Variants in SLC22A2 observed in about 807,000 individuals in gnomAD.
SLC22A2 encodes organic cation transporter 2.
Under a neutral mutation model 60.5 loss-of-function variants are expected in SLC22A2, and 46 were observed. The ratio of observed to expected loss-of-function variants is 0.76; its 90% CI spans 0.60 to 0.97. The LOEUF (loss-of-function observed/expected upper bound fraction) is 0.97, where lower values mean the gene tolerates loss of function less well. Among genes scored for constraint, SLC22A2 ranks in the 50% least tolerant of loss-of-function variants. The probability of loss-of-function intolerance (pLI) is 0.00; values close to 1 mark genes in which losing one functional copy is unlikely to be tolerated. For synonymous variants in SLC22A2, 303 were observed against 267.0 expected (o/e 1.13, Z -1.31); for missense variants, 701 against 706.6 (o/e 0.99, Z 0.09).
intron 4 of SLC22A2, among the ~76,000 whole-genome samples, 170 bp downstream of exon 4, chr6:160,249,046 T>C (rs1783140589): frequency 6.6e-6 from 1 of 152,044 alleles, no homozygotes; most frequent in African/African-American, 2.4e-5. Flanking sequence ...GACGGAGAGG[T>C]GAAGCTTGTG....
At chr6:160,229,795 C>T (rs1302744292) in intron 9 of SLC22A2, among the ~76,000 whole-genome samples, 1 of 151,844 alleles carries the variant, frequency 6.6e-6, no homozygotes, top group Non-Finnish European at 1.5e-5. Context: ...TCTCAGCTGA[C>T]CTAAAATCTA....
At chr6:160,224,498 C>G (rs1782692176) in intron 10 of SLC22A2, among the ~76,000 whole-genome samples, 1 of 151,990 alleles carries the variant, frequency 6.6e-6, no homozygotes, top group African/African-American at 2.4e-5. Flanking sequence ...TTAGAAAGAC[C>G]TTCTCCACGT....
At position 160,258,642 on chromosome 6, in the gene SLC22A2, C is replaced by T; in HGVS notation, c.116G>A (p.Gly39Asp). Residue 39 changes from glycine to aspartate, a missense_variant, in exon 1 of 11, where the codon GGC (glycine) becomes GAC (aspartate). By Grantham distance (94) the Gly-to-Asp change is moderately conservative. Transcript: ENST00000366953. ...LSATFAPIYV[G>D]IVFLGFTPDH... ...AGGGGTGAAGCCCAGGAAGACGATG[C>T]CCACGTAGATGGGCGCGAAGGTAGC... 2 of 1,613,796 alleles carry T rather than the reference C, an allele frequency of 1.2e-6. No individual in the cohort carries two copies. The highest frequency in any genetic ancestry group is 1.7e-6 in the Non-Finnish European group (2 of 1,179,902).
At chr6:160,252,137 C>A (rs976150587) in intron 2 of SLC22A2, among the ~76,000 whole-genome samples, 2 of 152,154 alleles carry the variant, frequency 1.3e-5, no homozygotes, top group African/African-American at 4.8e-5. Context: ...TATACAACCT[C>A]TTGGCCTCTA....
chr6:160,222,177 C>CAAATATACATT lies in SLC22A2; in HGVS notation c.1601+2527_1601+2528insAATGTATATTT, dbSNP rs1658688855. On this transcript the variant is annotated intron_variant, in intron 10 of 10. Transcript: ENST00000366953. Reference sequence around the variant, plus strand: ...AGATAAGGTATTAGGTATAAGTTCACAGGTTATATTTGTAACTAGGACAGG... The same window carrying CAAATATACATT: ...AGATAAGGTATTAGGTATAAGTTCACAAATATACATTAGGTTATATTTGTAACTAGGACAGG... Among the ~76,000 whole-genome samples, 3 of 152,302 alleles carry CAAATATACATT rather than the reference C, an allele frequency of 2.0e-5. No homozygotes were observed. In the South Asian group the frequency reaches 6.2e-4, roughly 32 times the overall value.
intron 8 of SLC22A2, 125 bp downstream of exon 8, chr6:160,242,169 C>G: frequency 1.4e-6 from 1 of 697,344 alleles, no homozygotes. Flanking sequence ...TGGACCTTTA[C>G]GTGTTCTCAC....
At position 160,245,755 on chromosome 6, in the gene SLC22A2, G is replaced by T. The variant is rs533346956; in HGVS notation, c.958-210C>A. On this transcript the variant is annotated intron_variant, in intron 5 of 10. Coordinates refer to ENST00000366953, the MANE Select transcript of SLC22A2 (RefSeq NM_003058.4). ...GCTCTGTCACCCAGGCTTGAGTGCA[G>T]TGGTGCAATCTCGGCTCACTGCAAC... 2.9e-5 allele frequency among the ~76,000 whole-genome samples: 4 copies of T among 137,800 alleles called. No individual in the cohort carries two copies. The East Asian group carries it at 8.6e-4, about 29-fold the overall frequency. The allele number at this position is 137,800 out of a possible 152,430, so 90.4% of individuals were successfully genotyped here.
chr6:160,245,278 C>A, intron 6 of SLC22A2, 161 bp downstream of exon 6: 1 of 503,010 alleles, frequency 2.0e-6, no homozygotes, highest in Admixed American at 3.6e-5. Flanking sequence ...AATATTTGCC[C>A]AAGAAAAACA....
intron 10 of SLC22A2, among the ~76,000 whole-genome samples, chr6:160,222,397 C>T (rs1000271424): frequency 1.3e-5 from 2 of 152,188 alleles, no homozygotes; most frequent in African/African-American, 4.8e-5. Context: ...TCAGGCTCTA[C>T]AGGACTTGCT....
In SLC22A2 at chr6:160,243,012, A is replaced by C. The variant is rs188476477; in HGVS notation, c.1279+560T>G. ...GGGCCAACTTTAGTCTATAGAAGTCAAAGAAAGAGCAAAATATGGGCACAT... is the reference window on the plus strand; with the variant it reads ...GGGCCAACTTTAGTCTATAGAAGTCCAAGAAAGAGCAAAATATGGGCACAT... On this transcript the variant is annotated intron_variant, in intron 7 of 10. Transcript: ENST00000366953. Among the ~76,000 whole-genome samples the C allele has an allele frequency of 4.8e-4, 73 of 152,324 alleles. 1 individual carries two copies. In the East Asian group the frequency reaches 0.013, roughly 28 times the overall value.
At chr6:160,224,624 C>G in intron 10 of SLC22A2, 81 bp downstream of exon 10, 2 of 716,268 alleles carry the variant, frequency 2.8e-6, no homozygotes, top group Non-Finnish European at 4.4e-6. Flanking sequence ...AGTATAAAGT[C>G]AATTTAATTC....
chr6:160,241,412 G>T, intron 9 of SLC22A2, 62 bp downstream of exon 9: 1 of 1,012,524 alleles, frequency 9.9e-7, no homozygotes, highest in Non-Finnish European at 1.6e-6. Context: ...TGAAGTAGAA[G>T]AGAAGTGAAG....
At chr6:160,231,036 G>T (rs1209561729) in intron 9 of SLC22A2, among the ~76,000 whole-genome samples, 1 of 151,846 alleles carries the variant, frequency 6.6e-6, no homozygotes, top group Non-Finnish European at 1.5e-5. Flanking sequence ...AACTCTTATG[G>T]TGGAGGGTAA....
chr6:160,227,348 T>C (rs1782740406), intron 9 of SLC22A2, among the ~76,000 whole-genome samples: 1 of 152,214 alleles, frequency 6.6e-6, no homozygotes, highest in Admixed American at 6.5e-5. Flanking sequence ...CTTCAGATAA[T>C]AACTTAACTC....
chr6:160,233,287 T>C (rs1286196581), intron 9 of SLC22A2, among the ~76,000 whole-genome samples: 1 of 151,844 alleles, frequency 6.6e-6, no homozygotes, highest in Non-Finnish European at 1.5e-5. Flanking sequence ...CTGTCAGACA[T>C]AATTCCTCGT....
Position 160,217,283 on chromosome 6 carries a change from A to G in SLC22A2, c.*149T>C. 2 of 555,990 alleles carry G rather than the reference A, an allele frequency of 3.6e-6. No homozygotes were observed. The highest frequency in any genetic ancestry group is 2.9e-5 in the East Asian group (1 of 34,478). 34.4% of individuals were successfully genotyped at this position (555,990 alleles called of 1,614,324 possible). On this transcript the variant is annotated 3_prime_UTR_variant, in exon 11 of 11. Coordinates refer to ENST00000366953, the MANE Select transcript of SLC22A2 (RefSeq NM_003058.4). The stretch of plus-strand genomic sequence containing the variant: ...CATGGGTATTTTTCCACAGTGTACA[A>G]TAGACTCCACTGGCTGTAGACCTAG...
chr6:160,256,623 A>G lies in SLC22A2; in HGVS notation c.509T>C (p.Ile170Thr), dbSNP rs1433562115. 5 of 1,610,280 alleles carry G rather than the reference A, an allele frequency of 3.1e-6. No homozygotes were observed. The South Asian group carries it at 5.5e-5, about 18-fold the overall frequency. ...FFIGSMSIGY[I>T]ADRFGRKLCL... ...AGGTGATTCAACCTACCTGTCTGCT[A>G]TGTAGCCGATACTCATAGAGCCAAT... is the stretch of plus-strand genomic sequence containing the variant. The change falls in exon 2 of 11, where the codon ATA becomes ACA. Residue 170 changes from isoleucine to threonine, a missense_variant. Transcript: ENST00000366953.
chr6:160,243,660 G>A lies in SLC22A2; in HGVS notation c.1191C>T (p.Thr397=). The A allele has an allele frequency of 6.2e-7, 1 of 1,614,032 alleles. No homozygotes were observed. Among genetic ancestry groups the A allele is most frequent in the Non-Finnish European group, 8.5e-7 (1 of 1,179,950 alleles). Residue 397 remains threonine (T), a synonymous_variant, in exon 7 of 11, where the codon ACC becomes ACT. Transcript: ENST00000366953. ...GGTAACGGCGTCCGATGCGGTCGAT[G>A]GTGAGGATGATCATGAAGGCAGCTG... is the stretch of plus-strand genomic sequence containing the variant. ...EFPAAFMIIL[T]IDRIGRRYPW...
intron 9 of SLC22A2, among the ~76,000 whole-genome samples, chr6:160,232,057 C>T (rs994966679): frequency 1.3e-5 from 2 of 151,932 alleles, no homozygotes; most frequent in Admixed American, 6.5e-5. Context: ...TCACTCTCTA[C>T]AGTTCTCATA....
Sources: allele counts gnomAD v4.1 joint callset (sites outside exome capture counted in the v4.1 genomes callset), GRCh38; gene constraint gnomAD v4.1.1; transcripts MANE v1.5; gene names NCBI Gene and HGNC (gene_info 2026-07-23, HGNC 2026-07-21).